GREB1L: variants seen among roughly 807,000 people sequenced by gnomAD.
GREB1L encodes GREB1-like protein.
A neutral mutation model predicts 200.8 loss-of-function variants in GREB1L; 17 were observed. The ratio of observed to expected loss-of-function variants is 0.08; its 90% CI spans 0.06 to 0.13. The LOEUF (loss-of-function observed/expected upper bound fraction) is 0.13, where lower values mean the gene tolerates loss of function less well. Among genes scored for constraint, GREB1L ranks in the 10% least tolerant of loss-of-function variants. The pLI is 1.00. For synonymous variants in GREB1L, 789 were observed against 893.0 expected (o/e 0.88, Z 2.08); for missense variants, 1,657 against 2,367.7 (o/e 0.70, Z 6.23).
At chr18:21,430,784 C>T (rs1291034191) in intron 7 of GREB1L, among the ~76,000 whole-genome samples, 7 of 150,084 alleles carry the variant, frequency 4.7e-5, no homozygotes, top group East Asian at 2.0e-4. Context: ...TTAGTAGAGA[C>T]GGGGTTTCTC....
intron 19 of GREB1L, among the ~76,000 whole-genome samples, chr18:21,490,977 C>T (rs2036311283): frequency 6.6e-6 from 1 of 152,200 alleles, no homozygotes; most frequent in African/African-American, 2.4e-5. Flanking sequence ...TCCCTCACTG[C>T]TCCCTCTGCA....
chr18:21,302,327 G>A (rs187833765), intron 1 of GREB1L, among the ~76,000 whole-genome samples: 95 of 152,282 alleles, frequency 6.2e-4, no homozygotes, highest in African/African-American at 2.2e-3. Context: ...AATTATTACT[G>A]TCAAAAGACA....
rs66924517 is a variant in GREB1L, at chr18:21,253,249, A to ATT, written c.-120+10876_-120+10877dup. Among the ~76,000 whole-genome samples, 444 of 127,128 alleles carry ATT rather than the reference A, an allele frequency of 3.5e-3. 7 individuals are homozygous for ATT. Among genetic ancestry groups the ATT allele is most frequent in the African/African-American group, 7.5e-3 (252 of 33,652 alleles). 83.4% of individuals were successfully genotyped at this position (127,128 alleles called of 152,430 possible). On this transcript the variant is annotated intron_variant, in intron 1 of 32. Coordinates refer to ENST00000424526, the MANE Select transcript of GREB1L (RefSeq NM_001142966.3). The stretch of plus-strand genomic sequence containing the variant: ...AATATAGAGAAAACATATTTCAAGA[A>ATT]TTTTTTTTTTTTTTTTTTTTTGAGA...
chr18:21,421,719 C>A (rs1165959284), intron 7 of GREB1L, among the ~76,000 whole-genome samples: 1 of 152,152 alleles, frequency 6.6e-6, no homozygotes, highest in Non-Finnish European at 1.5e-5. Flanking sequence ...TTTTGCAGAT[C>A]ATGAAACAGA....
intron 7 of GREB1L, among the ~76,000 whole-genome samples, chr18:21,405,169 A>G (rs1174906261): frequency 6.6e-6 from 1 of 152,220 alleles, no homozygotes; most frequent in African/African-American, 2.4e-5. Flanking sequence ...GCTCTGATCT[A>G]AGAGAATAGA....
At chr18:21,299,096 G>A (rs896415368) in intron 1 of GREB1L, among the ~76,000 whole-genome samples, 2 of 151,572 alleles carry the variant, frequency 1.3e-5, no homozygotes, top group Non-Finnish European at 2.9e-5. Context: ...TGGCCAACAT[G>A]GTGAAATCCT....
intron 1 of GREB1L, among the ~76,000 whole-genome samples, chr18:21,357,407 A>G (rs1465074231): frequency 2.0e-5 from 3 of 152,212 alleles, no homozygotes; most frequent in Non-Finnish European, 4.4e-5. Flanking sequence ...ATGGTTTGCA[A>G]GCATTTTCTC....
intron 1 of GREB1L, among the ~76,000 whole-genome samples, chr18:21,272,330 C>T (rs1345825122): frequency 6.6e-6 from 1 of 152,190 alleles, no homozygotes; most frequent in African/African-American, 2.4e-5. Flanking sequence ...ACATCAGCCA[C>T]GTTCCATTGT....
intron 7 of GREB1L, 142 bp downstream of exon 7, chr18:21,404,136 T>A: frequency 1.3e-6 from 1 of 774,280 alleles, no homozygotes; most frequent in Non-Finnish European, 2.0e-6. Flanking sequence ...AGAGTTAGAA[T>A]TCAGCCTTGA....
intron 1 of GREB1L, among the ~76,000 whole-genome samples, chr18:21,324,675 C>T (rs1394401265): frequency 2.0e-5 from 3 of 151,966 alleles, no homozygotes; most frequent in Admixed American, 6.6e-5. Flanking sequence ...CCAGGCATGG[C>T]GGCATGTGCC....
At chr18:21,489,497 T>G (rs1476911541) in intron 18 of GREB1L, among the ~76,000 whole-genome samples, 1 of 152,196 alleles carries the variant, frequency 6.6e-6, no homozygotes, top group African/African-American at 2.4e-5. Flanking sequence ...TAATCTTATA[T>G]ATCAGAGAAA....
chr18:21,374,380 G>A (rs1159363353), intron 2 of GREB1L, among the ~76,000 whole-genome samples: 2 of 152,118 alleles, frequency 1.3e-5, no homozygotes, highest in African/African-American at 2.4e-5. Context: ...CCCCAGACTT[G>A]GAACTGGTCA....
intron 19 of GREB1L, among the ~76,000 whole-genome samples, chr18:21,492,521 G>A (rs1360247938): frequency 1.3e-5 from 2 of 152,120 alleles, no homozygotes; most frequent in South Asian, 4.1e-4. Flanking sequence ...TCTTAATCAT[G>A]TGTTCAGAAG....
At chr18:21,357,817 A>G (rs928339649) in intron 1 of GREB1L, among the ~76,000 whole-genome samples, 21 of 152,114 alleles carry the variant, frequency 1.4e-4, no homozygotes, top group Non-Finnish European at 5.9e-5. Context: ...GTTCTGTTCC[A>G]TTGGTCTATT....
intron 21 of GREB1L, among the ~76,000 whole-genome samples, chr18:21,497,796 CCTT>C (rs1390756670): frequency 6.7e-6 from 1 of 148,158 alleles, no homozygotes; most frequent in Non-Finnish European, 1.5e-5. Flanking sequence ...ACATGCCCCT[CCTT>C]CTCCCCTCAC....
intron 7 of GREB1L, among the ~76,000 whole-genome samples, chr18:21,428,332 CTTTTTTTTT>C (rs59982674): frequency 7.4e-5 from 4 of 54,032 alleles, no homozygotes; most frequent in African/African-American, 2.5e-4. Flanking sequence ...GTCTTTTTGT[CTTTTTTTTT>C]TTTTTTTTTT....
intron 1 of GREB1L, among the ~76,000 whole-genome samples, chr18:21,327,792 A>G (rs899741002): frequency 6.6e-6 from 1 of 151,886 alleles, no homozygotes; most frequent in Admixed American, 6.6e-5. Context: ...GGCTCACTGC[A>G]AGCTCTGCCT....
Position 21,518,176 on chromosome 18 carries a change from T to C in GREB1L, c.5414T>C (p.Ile1805Thr). ...TCATATAAACTCTTCCCCAAAGCCA[T>C]CCATAACTTCAGGAGTCCTGTGCTG... ...HASYKLFPKA[I>T]HNFRSPVLAI... Residue 1805 changes from isoleucine (I) to threonine (T), a missense_variant, in exon 31 of 33, where the codon ATC (isoleucine) becomes ACC (threonine). Coordinates refer to ENST00000424526, the MANE Select transcript of GREB1L (RefSeq NM_001142966.3). 1 of 1,551,696 alleles carries C rather than the reference T, an allele frequency of 6.4e-7. No homozygotes were observed. Among genetic ancestry groups the C allele is most frequent in the Non-Finnish European group, 8.7e-7 (1 of 1,146,994 alleles).
chr18:21,336,388 C>T (rs2039186056), intron 1 of GREB1L, among the ~76,000 whole-genome samples: 1 of 152,148 alleles, frequency 6.6e-6, no homozygotes, highest in Non-Finnish European at 1.5e-5. Context: ...CCCTTCCTTC[C>T]GTGAAGTGAC....
Sources: allele counts gnomAD v4.1 joint callset (sites outside exome capture counted in the v4.1 genomes callset), GRCh38; gene constraint gnomAD v4.1.1; transcripts MANE v1.5; gene names NCBI Gene and HGNC (gene_info 2026-07-23, HGNC 2026-07-21).